Variants in RGPD2 observed in about 807,000 individuals in gnomAD.
RGPD2 encodes the protein RANBP2-like and GRIP domain-containing protein 2.
A neutral mutation model predicts 36.0 loss-of-function variants in RGPD2; 2 were observed. The observed-to-expected ratio is 0.06, with a 90% CI of 0.02 to 0.17. The LOEUF is 0.17. RGPD2 is among the 10% of genes least tolerant of loss of function. The pLI, the probability that RGPD2 is intolerant of heterozygous loss-of-function variation, is 1.00. For synonymous variants in RGPD2, 19 were observed against 163.8 expected, an observed-to-expected ratio of 0.12 and a Z score of 6.75; for missense variants, 40 against 464.3, an observed-to-expected ratio of 0.09 and a Z score of 8.40.
the RGPD2 span, among the ~76,000 whole-genome samples, chr2:87,915,555 T>C: frequency 1.9e-4 from 28 of 144,260 alleles, no homozygotes; most frequent in African/African-American, 6.7e-4. Context: ...TATGTGTATG[T>C]GTATATATAT....
chr2:87,915,010 G>A, the RGPD2 span, among the ~76,000 whole-genome samples: 1 of 151,946 alleles, frequency 6.6e-6, no homozygotes, highest in African/African-American at 2.4e-5. Context: ...AGCGAGGCAT[G>A]GTGGCGCATG....
the RGPD2 span, among the ~76,000 whole-genome samples, chr2:87,913,001 A>C: frequency 6.6e-6 from 1 of 151,996 alleles, no homozygotes; most frequent in Non-Finnish European, 1.5e-5. Context: ...GTTTAATTAG[A>C]AAATATATTT....
the RGPD2 span, among the ~76,000 whole-genome samples, chr2:87,886,290 T>C: frequency 1.3e-5 from 2 of 151,918 alleles, no homozygotes; most frequent in Admixed American, 1.3e-4. Flanking sequence ...ATGCCCCCTT[T>C]TCATTGCAGT....
At chr2:87,824,730 C>T (rs1392502454) in intron 1 of RGPD2, among the ~76,000 whole-genome samples, 1 of 101,028 alleles carries the variant, frequency 9.9e-6, no homozygotes. Flanking sequence ...CGCCGCCGCC[C>T]GGCCAGGCCG....
chr2:87,932,813 A>C, the RGPD2 span, among the ~76,000 whole-genome samples: 1 of 151,696 alleles, frequency 6.6e-6, no homozygotes, highest in Non-Finnish European at 1.5e-5. Flanking sequence ...TTCAGCTTAG[A>C]GGTCCGCTGT....
chr2:87,841,746 A>AG, the RGPD2 span, among the ~76,000 whole-genome samples: 3 of 145,946 alleles, frequency 2.1e-5, no homozygotes, highest in Non-Finnish European at 3.0e-5. Flanking sequence ...AGCCGGGCAG[A>AG]GACACAACAA....
the RGPD2 span, among the ~76,000 whole-genome samples, chr2:87,951,865 G>A: frequency 1.1e-4 from 17 of 148,406 alleles, no homozygotes; most frequent in Admixed American, 5.4e-4. Flanking sequence ...TTACAGGCAC[G>A]AGCCACCGCA....
the RGPD2 span, among the ~76,000 whole-genome samples, chr2:87,978,147 A>G: frequency 6.6e-6 from 1 of 150,730 alleles, no homozygotes; most frequent in African/African-American, 2.4e-5. Context: ...TAAAAAACTG[A>G]TACATTGGAT....
chr2:87,864,369 T>C, the RGPD2 span, among the ~76,000 whole-genome samples: 2 of 152,294 alleles, frequency 1.3e-5, no homozygotes, highest in Admixed American at 6.5e-5. Context: ...TACACAGTGG[T>C]TCCTCTGGTC....
the RGPD2 span, among the ~76,000 whole-genome samples, chr2:87,837,535 C>A: frequency 1.3e-5 from 1 of 75,056 alleles, no homozygotes; most frequent in African/African-American, 5.3e-5. Flanking sequence ...AACAAAGATA[C>A]AACGTACCGG....
chr2:87,830,370 A>G (rs911941297), upstream of RGPD2, among the ~76,000 whole-genome samples: 13 of 152,332 alleles, frequency 8.5e-5, no homozygotes, highest in African/African-American at 3.1e-4. Flanking sequence ...TACATCTGAG[A>G]CCACCTCAGC....
the RGPD2 span, among the ~76,000 whole-genome samples, chr2:87,955,174 C>T: frequency 1.9e-5 from 2 of 107,730 alleles, no homozygotes; most frequent in Non-Finnish European, 3.7e-5. Context: ...GCCACAATGC[C>T]CGGCTAATTT....
the RGPD2 span, among the ~76,000 whole-genome samples, chr2:87,853,405 G>A: frequency 6.6e-6 from 1 of 151,930 alleles, no homozygotes; most frequent in African/African-American, 2.4e-5. Context: ...TTAAATTTTT[G>A]TAGAGACAGG....
chr2:87,826,227 A>C (rs1195529098), upstream of RGPD2, among the ~76,000 whole-genome samples: 2 of 151,974 alleles, frequency 1.3e-5, no homozygotes, highest in Admixed American at 1.3e-4. Flanking sequence ...ATTGAAATTC[A>C]AATGGAAATC....
the RGPD2 span, among the ~76,000 whole-genome samples, chr2:87,974,504 C>T: frequency 6.6e-6 from 1 of 152,098 alleles, no homozygotes; most frequent in South Asian, 2.1e-4. Flanking sequence ...CTTCTTTTCT[C>T]CTCCCTTGGT....
chr2:87,763,613 C>T (rs1462088667), intron 22 of RGPD2, among the ~76,000 whole-genome samples: 1 of 18,458 alleles, frequency 5.4e-5, no homozygotes, highest in Non-Finnish European at 1.1e-4. Flanking sequence ...TCATGTAAGC[C>T]TTTGAAATCT....
the RGPD2 span, among the ~76,000 whole-genome samples, chr2:87,830,895 G>C: frequency 6.6e-6 from 1 of 152,046 alleles, no homozygotes; most frequent in African/African-American, 2.4e-5. Context: ...GGGGATTATG[G>C]GAGTTACAGT....
the RGPD2 span, among the ~76,000 whole-genome samples, chr2:87,923,269 C>T: frequency 1.3e-5 from 2 of 152,066 alleles, no homozygotes; most frequent in Non-Finnish European, 2.9e-5. Flanking sequence ...CCTGATAATC[C>T]TTCTGGAGCA....
At chr2:87,971,527 T>C in the RGPD2 span, among the ~76,000 whole-genome samples, 2 of 139,532 alleles carry the variant, frequency 1.4e-5, no homozygotes, top group African/African-American at 5.2e-5. Flanking sequence ...AATGAAGTTA[T>C]GGAAATTACA....
Sources: gnomAD v4.1 joint callset for allele counts (sites outside exome capture counted in the v4.1 genomes callset) on GRCh38, gnomAD v4.1.1 for gene constraint, MANE v1.5 for transcripts, NCBI Gene and HGNC (gene_info 2026-07-23, HGNC 2026-07-21) for gene names.